RTL4: variants seen among roughly 807,000 people sequenced by gnomAD.
The protein encoded by RTL4 is retrotransposon Gag-like protein 4.
A neutral mutation model predicts 5.3 loss-of-function variants in RTL4; 4 were observed. The ratio of observed to expected loss-of-function variants is 0.75; its 90% CI spans 0.37 to 1.72. The LOEUF is 1.72. RTL4 is among the 40% of genes most tolerant of loss of function. The pLI is 0.04. For synonymous variants in RTL4, 98 were observed against 87.3 expected, an observed-to-expected ratio of 1.12 and a Z score of -0.68; for missense variants, 260 against 227.1, an observed-to-expected ratio of 1.14 and a Z score of -0.93.
At chrX:112,195,583 A>G in the RTL4 span, among the ~76,000 whole-genome samples, 1 of 111,229 alleles carries the variant, frequency 9.0e-6, no homozygotes, top group Non-Finnish European at 1.9e-5. Flanking sequence ...TCAAAACACT[A>G]CGGCTGTGAA....
the RTL4 span, among the ~76,000 whole-genome samples, chrX:112,183,414 G>A: frequency 9.0e-6 from 1 of 111,678 alleles, no homozygotes; most frequent in East Asian, 2.8e-4. Context: ...GTATTCAGGA[G>A]AACGATCTCG....
At chrX:112,303,933 T>A in the RTL4 span, among the ~76,000 whole-genome samples, 26 of 111,227 alleles carry the variant, frequency 2.3e-4, no homozygotes, top group African/African-American at 8.5e-4. Context: ...ACCCACCATC[T>A]AGTACTTGCA....
At chrX:112,343,688 A>G in the RTL4 span, among the ~76,000 whole-genome samples, 1 of 112,078 alleles carries the variant, frequency 8.9e-6, no homozygotes, top group Non-Finnish European at 1.9e-5. Context: ...GCAGCCCAGG[A>G]CTAGTGTATT....
the RTL4 span, among the ~76,000 whole-genome samples, chrX:112,294,126 A>T: frequency 8.9e-6 from 1 of 112,100 alleles, no homozygotes; most frequent in East Asian, 2.8e-4. Flanking sequence ...CTGTGTGCAC[A>T]TATTTTGTAG....
the RTL4 span, among the ~76,000 whole-genome samples, chrX:112,154,287 C>T: frequency 8.9e-6 from 1 of 111,942 alleles, no homozygotes; most frequent in Non-Finnish European, 1.9e-5. Context: ...TTTAAATATA[C>T]TTAAAGTAGT....
At chrX:112,403,347 G>C in the RTL4 span, among the ~76,000 whole-genome samples, 2 of 111,942 alleles carry the variant, frequency 1.8e-5, no homozygotes, top group Non-Finnish European at 3.8e-5. Flanking sequence ...ATAATCAAAG[G>C]CATGTCAATT....
the RTL4 span, among the ~76,000 whole-genome samples, chrX:112,181,588 A>G: frequency 8.9e-6 from 1 of 111,860 alleles, no homozygotes; most frequent in Non-Finnish European, 1.9e-5. Flanking sequence ...CGGGGAGCCC[A>G]CTGCAGCACA....
chrX:112,143,313 A>AT, the RTL4 span, among the ~76,000 whole-genome samples: 8,540 of 110,364 alleles, frequency 0.077, 468 homozygotes, highest in African/African-American at 0.18. Flanking sequence ...GAACTTAGGC[A>AT]TTTTTTTTCA....
chrX:112,086,289 A>G, the RTL4 span, among the ~76,000 whole-genome samples: 19 of 112,693 alleles, frequency 1.7e-4, no homozygotes, highest in African/African-American at 6.1e-4. Flanking sequence ...CTACAACATC[A>G]CAAAGGCTGT....
At chrX:112,383,159 A>G in the RTL4 span, among the ~76,000 whole-genome samples, 1 of 112,056 alleles carries the variant, frequency 8.9e-6, no homozygotes, top group African/African-American at 3.2e-5. Context: ...ATTAATGTGT[A>G]CCATATGTTT....
chrX:112,304,960 T>G, the RTL4 span, among the ~76,000 whole-genome samples: 6 of 109,880 alleles, frequency 5.5e-5, no homozygotes, highest in African/African-American at 2.0e-4. Flanking sequence ...TTTTTAGCAT[T>G]GAGAACAATA....
the RTL4 span, among the ~76,000 whole-genome samples, chrX:112,215,916 G>A: frequency 1.8e-5 from 2 of 111,307 alleles, no homozygotes; most frequent in Non-Finnish European, 3.8e-5. Context: ...ATTCCTATCA[G>A]CAATGCACAG....
the RTL4 span, among the ~76,000 whole-genome samples, chrX:112,110,697 T>G: frequency 5.3e-5 from 6 of 112,287 alleles, no homozygotes; most frequent in Non-Finnish European, 1.1e-4. Context: ...ATTCTGTAAG[T>G]ACTTTAAGGT....
the RTL4 span, among the ~76,000 whole-genome samples, chrX:112,341,509 TA>T: frequency 8.9e-6 from 1 of 111,828 alleles, no homozygotes; most frequent in Non-Finnish European, 1.9e-5. Flanking sequence ...TGGTGTATGC[TA>T]AAGTTCACCA....
chrX:112,290,291 C>T, the RTL4 span, among the ~76,000 whole-genome samples: 223 of 111,875 alleles, frequency 2.0e-3, 1 homozygote, highest in Middle Eastern at 0.023. Flanking sequence ...AAGGTTTCTT[C>T]GTCTTCAGAG....
chrX:112,346,630 C>G, the RTL4 span, among the ~76,000 whole-genome samples: 1 of 110,810 alleles, frequency 9.0e-6, no homozygotes, highest in Non-Finnish European at 1.9e-5. Context: ...GCAGCAGATA[C>G]CATTTGGCAA....
the RTL4 span, among the ~76,000 whole-genome samples, chrX:112,435,796 G>A: frequency 8.9e-6 from 1 of 112,170 alleles, no homozygotes; most frequent in Non-Finnish European, 1.9e-5. Flanking sequence ...TTTTGCCTAA[G>A]GATATAATTC....
chrX:112,451,851 T>C (rs1199742036), upstream of RTL4, among the ~76,000 whole-genome samples: 1 of 111,510 alleles, frequency 9.0e-6, no homozygotes, highest in Non-Finnish European at 1.9e-5. Context: ...TGCAAATATG[T>C]GCCCTCCCCA....
the RTL4 span, among the ~76,000 whole-genome samples, chrX:112,331,102 G>T: frequency 1.6e-3 from 150 of 95,412 alleles, 1 homozygote; most frequent in Middle Eastern, 0.028. Flanking sequence ...CATGGGCAAG[G>T]ACTTCATGTC....
Sources: gnomAD v4.1 joint callset for allele counts (sites outside exome capture counted in the v4.1 genomes callset) on GRCh38, gnomAD v4.1.1 for gene constraint, MANE v1.5 for transcripts, NCBI Gene and HGNC (gene_info 2026-07-23, HGNC 2026-07-21) for gene names.